Variants in GNAQ observed in about 807,000 individuals in gnomAD.
The protein encoded by GNAQ is guanine nucleotide-binding protein G(q) subunit alpha.
In GNAQ, 8 loss-of-function variants were observed where a neutral mutation model predicts 43.9. That is an observed-to-expected ratio of 0.18 (90% CI 0.11 to 0.33). The LOEUF (loss-of-function observed/expected upper bound fraction) is 0.33, where lower values mean the gene tolerates loss of function less well. Among genes scored for constraint, GNAQ ranks in the 10% least tolerant of loss-of-function variants. The pLI, the probability that GNAQ is intolerant of heterozygous loss-of-function variation, is 1.00. For missense variants in GNAQ, 158 were observed against 450.8 expected (o/e 0.35, Z 5.88); for synonymous variants, 155 against 170.7 (o/e 0.91, Z 0.71).
chr9:77,970,228 A>G (rs148813607), intron 1 of GNAQ, among the ~76,000 whole-genome samples: 5 of 151,664 alleles, frequency 3.3e-5, no homozygotes, highest in Non-Finnish European at 5.9e-5. Flanking sequence ...TCCACAAAAA[A>G]AAAAAAACAA....
chr9:77,849,740 C>T (rs1187686978), intron 2 of GNAQ, among the ~76,000 whole-genome samples: 1 of 152,160 alleles, frequency 6.6e-6, no homozygotes, highest in African/African-American at 2.4e-5. Flanking sequence ...AATCATGGCT[C>T]ACTGCAACCT....
chr9:77,944,579 T>C (rs556512169), intron 1 of GNAQ, among the ~76,000 whole-genome samples: 1 of 152,156 alleles, frequency 6.6e-6, no homozygotes, highest in Non-Finnish European at 1.5e-5. Context: ...TGGAAGTTCA[T>C]GGGACCCCTC....
chr9:77,920,543 G>C (rs1564152154), intron 2 of GNAQ, among the ~76,000 whole-genome samples: 1 of 152,026 alleles, frequency 6.6e-6, no homozygotes, highest in Non-Finnish European at 1.5e-5. Context: ...CAACTACAAG[G>C]AAACAAGCAT....
chr9:77,949,961 C>T (rs1442946012), intron 1 of GNAQ, among the ~76,000 whole-genome samples: 2 of 152,142 alleles, frequency 1.3e-5, no homozygotes, highest in Admixed American at 6.5e-5. Flanking sequence ...AGTCTTGCTC[C>T]ATCTGGTGTA....
intron 2 of GNAQ, among the ~76,000 whole-genome samples, chr9:77,822,764 A>C (rs1201964720): frequency 6.6e-6 from 1 of 152,108 alleles, no homozygotes; most frequent in Non-Finnish European, 1.5e-5. Flanking sequence ...GAAAAACTGA[A>C]AGTAAAAGGC....
At chr9:77,939,514 T>C (rs915536910) in intron 1 of GNAQ, among the ~76,000 whole-genome samples, 2 of 152,214 alleles carry the variant, frequency 1.3e-5, no homozygotes, top group African/African-American at 4.8e-5. Context: ...CACCTTGAGA[T>C]AGTATAAAGC....
chr9:77,898,620 A>G (rs200282741), intron 2 of GNAQ, among the ~76,000 whole-genome samples: 47 of 150,688 alleles, frequency 3.1e-4, no homozygotes, highest in Admixed American at 1.5e-3. Flanking sequence ...TGAATGAATA[A>G]ATGGATGGAT....
At chr9:77,865,583 T>C (rs1358794934) in intron 2 of GNAQ, among the ~76,000 whole-genome samples, 4 of 152,108 alleles carry the variant, frequency 2.6e-5, no homozygotes, top group African/African-American at 4.8e-5. Context: ...TGGAGAGAGG[T>C]GGCTGAGTGG....
At chr9:77,915,779 T>G (rs563857974) in intron 2 of GNAQ, among the ~76,000 whole-genome samples, 1 of 152,310 alleles carries the variant, frequency 6.6e-6, no homozygotes, top group South Asian at 2.1e-4. Flanking sequence ...AATAAGAAAT[T>G]TTATTTTAAC....
chr9:77,982,574 G>A (rs533563937), intron 1 of GNAQ, among the ~76,000 whole-genome samples: 43 of 152,156 alleles, frequency 2.8e-4, no homozygotes, highest in Admixed American at 1.2e-3. Flanking sequence ...CCTATTCTGA[G>A]AAGTAATGTG....
At chr9:77,909,949 A>G (rs1342307792) in intron 2 of GNAQ, among the ~76,000 whole-genome samples, 1 of 152,186 alleles carries the variant, frequency 6.6e-6, no homozygotes, top group Non-Finnish European at 1.5e-5. Flanking sequence ...TCTTGCTGAT[A>G]TTCATGTTTG....
chr9:77,795,921 T>G (rs1037257260), intron 4 of GNAQ, among the ~76,000 whole-genome samples: 1 of 152,170 alleles, frequency 6.6e-6, no homozygotes, highest in East Asian at 1.9e-4. Context: ...AAAAACAACA[T>G]GTAATTGTAA....
In GNAQ at chr9:77,963,853, T is replaced by C. The variant is rs1407821679; in HGVS notation, c.137-41508A>G. 2.0e-5 allele frequency among the ~76,000 whole-genome samples: 3 copies of C among 152,324 alleles called. No homozygotes were observed. In the East Asian group the frequency reaches 5.8e-4, roughly 29 times the overall value. On this transcript the variant is annotated intron_variant, in intron 1 of 6. Coordinates refer to ENST00000286548, the MANE Select transcript of GNAQ (RefSeq NM_002072.5). ...AGAAAATTATTAGGCATCCACCTTA[T>C]GGTCCTAATTTGGCTTCTTCTGACT...
intron 5 of GNAQ, among the ~76,000 whole-genome samples, chr9:77,743,681 T>C (rs1413670144): frequency 2.0e-5 from 3 of 152,062 alleles, no homozygotes; most frequent in African/African-American, 7.2e-5. Flanking sequence ...CTGATAGCTA[T>C]GCCATACTTG....
intron 3 of GNAQ, among the ~76,000 whole-genome samples, chr9:77,805,731 C>A (rs777546133): frequency 2.0e-5 from 3 of 152,038 alleles, no homozygotes; most frequent in Non-Finnish European, 4.4e-5. Flanking sequence ...TACAAAGTGG[C>A]AGGTTCAAAA....
chr9:77,786,745 T>C (rs1417430440), intron 5 of GNAQ, among the ~76,000 whole-genome samples: 2 of 152,218 alleles, frequency 1.3e-5, no homozygotes, highest in East Asian at 1.9e-4. Context: ...GTAAATTTGC[T>C]CATTTATTGT....
chr9:77,769,820 A>C (rs1164262208), intron 5 of GNAQ, among the ~76,000 whole-genome samples: 1 of 151,854 alleles, frequency 6.6e-6, no homozygotes, highest in Non-Finnish European at 1.5e-5. Context: ...GCCCGCCACA[A>C]TGTCTGGCTA....
intron 2 of GNAQ, among the ~76,000 whole-genome samples, chr9:77,866,295 T>C (rs1179296062): frequency 6.6e-6 from 1 of 152,110 alleles, no homozygotes; most frequent in Non-Finnish European, 1.5e-5. Context: ...CTGGCCAACA[T>C]GGTGAAGCCC....
At chr9:77,890,551 C>T (rs1828387987) in intron 2 of GNAQ, among the ~76,000 whole-genome samples, 1 of 152,104 alleles carries the variant, frequency 6.6e-6, no homozygotes, top group Admixed American at 6.5e-5. Flanking sequence ...TGGAGAAACC[C>T]CGTCTCTACT....
Sources: allele counts gnomAD v4.1 joint callset (sites outside exome capture counted in the v4.1 genomes callset), GRCh38; gene constraint gnomAD v4.1.1; transcripts MANE v1.5; gene names NCBI Gene and HGNC (gene_info 2026-07-23, HGNC 2026-07-21).